RIN3: variants seen among roughly 807,000 people sequenced by gnomAD.
RIN3 encodes the protein Ras and Rab interactor 3, also known as RAB5 interacting protein 3.
A neutral mutation model predicts 76.3 loss-of-function variants in RIN3; 54 were observed. That is an observed-to-expected ratio of 0.71 (90% CI 0.57 to 0.89). The LOEUF is 0.89. Ranked by LOEUF, RIN3 falls within the 40% of genes least tolerant of loss-of-function variation. The probability of loss-of-function intolerance (pLI) is 0.00; values close to 1 mark genes in which losing one functional copy is unlikely to be tolerated. For synonymous variants in RIN3, 576 were observed against 564.0 expected, an observed-to-expected ratio of 1.02 and a Z score of -0.30; for missense variants, 1,256 against 1,322.1, an observed-to-expected ratio of 0.95 and a Z score of 0.78.
At chr14:92,637,521 G>A (rs546930544) in intron 4 of RIN3, among the ~76,000 whole-genome samples, 1 of 152,280 alleles carries the variant, frequency 6.6e-6, no homozygotes, top group East Asian at 1.9e-4. Flanking sequence ...GTAGCCCAGG[G>A]GTTGGGGACC....
intron 7 of RIN3, among the ~76,000 whole-genome samples, chr14:92,672,660 A>ATGTG (rs57611104): frequency 0.13 from 19,053 of 148,398 alleles, 1,338 homozygotes; most frequent in East Asian, 0.3. Context: ...ATGTGTGTGC[A>ATGTG]TGTGTGTGTG....
intron 2 of RIN3, among the ~76,000 whole-genome samples, chr14:92,560,845 C>T (rs1287075652): frequency 2.7e-5 from 4 of 150,520 alleles, no homozygotes; most frequent in Admixed American, 2.0e-4. Flanking sequence ...ATGATGAAAC[C>T]ACGTCTCTAC....
At chr14:92,614,489 A>T (rs1384735472) in intron 3 of RIN3, among the ~76,000 whole-genome samples, 1 of 152,162 alleles carries the variant, frequency 6.6e-6, no homozygotes, top group East Asian at 1.9e-4. Flanking sequence ...GTATATTAAC[A>T]CCAGCTATCC....
Position 92,643,927 on chromosome 14 carries a change from C to CA in RIN3, c.532+2612dup, listed in dbSNP as rs373209693. 0.021 allele frequency among the ~76,000 whole-genome samples: 2,871 copies of CA among 138,170 alleles called. 73 individuals carry two copies. Among genetic ancestry groups the CA allele is most frequent in the African/African-American group, 0.062 (2,329 of 37,742 alleles). The allele number at this position is 138,170 out of a possible 152,430, so 90.6% of individuals were successfully genotyped here. The stretch of plus-strand genomic sequence containing the variant: ...TGGGCAACAGACTGAGACTCTGCCT[C>CA]AAAAAAAAAAAAAATTAGAAGATCA... On this transcript the variant is annotated intron_variant, in intron 5 of 9. Coordinates refer to ENST00000216487, the MANE Select transcript of RIN3 (RefSeq NM_024832.5). The surrounding 1 kb of genome is among the most constrained non-coding windows in gnomAD (Gnocchi z 4.8).
rs564831158 is a variant in RIN3, at chr14:92,568,082, AG to A, written c.250-9274del. Among the ~76,000 whole-genome samples, 69 of 152,244 alleles carry A rather than the reference AG, an allele frequency of 4.5e-4. No homozygotes were observed. The highest frequency in any genetic ancestry group is 1.5e-3 in the African/African-American group (61 of 41,544). On this transcript the variant is annotated intron_variant, in intron 2 of 9. Transcript: ENST00000216487. The surrounding 1 kb of genome is among the most constrained non-coding windows in gnomAD (Gnocchi z 4.2). ...AAAAGTAACTTGCCCACGGCTGGTG[AG>A]GGGCAGAGGTAGTATTTGTGTTTCA...
intron 3 of RIN3, 135 bp from the exon 4 acceptor site, chr14:92,615,272 G>A (rs1328149328): frequency 2.8e-6 from 2 of 722,186 alleles, no homozygotes; most frequent in Non-Finnish European, 5.0e-6. Context: ...GTGTATGGGG[G>A]CCGCATGCAG....
chr14:92,547,423 C>G (rs996728656), intron 1 of RIN3, among the ~76,000 whole-genome samples: 1 of 149,284 alleles, frequency 6.7e-6, no homozygotes, highest in African/African-American at 2.5e-5. Context: ...GAGACAGGGT[C>G]TTGCTCTGTC....
At chr14:92,639,915 C>T (rs1434170414) in intron 4 of RIN3, among the ~76,000 whole-genome samples, 303 of 91,926 alleles carry the variant, frequency 3.3e-3, no homozygotes, top group African/African-American at 0.013. Flanking sequence ...CCTGACTGTG[C>T]GTTCGTCGGG....
intron 4 of RIN3, 85 bp from the exon 5 acceptor site, chr14:92,641,153 G>A: frequency 9.5e-7 from 1 of 1,049,420 alleles, no homozygotes; most frequent in Non-Finnish European, 1.5e-6. Flanking sequence ...GCAGCCAGCA[G>A]AGATTGCCAG....
intron 5 of RIN3, among the ~76,000 whole-genome samples, chr14:92,647,138 G>T (rs763608003): frequency 6.6e-6 from 1 of 152,176 alleles, no homozygotes; most frequent in Non-Finnish European, 1.5e-5. Flanking sequence ...GTTGCACCAG[G>T]CCTGCTTTTG....
chr14:92,625,844 G>T (rs1886333225), intron 4 of RIN3, among the ~76,000 whole-genome samples: 1 of 152,082 alleles, frequency 6.6e-6, no homozygotes, highest in Non-Finnish European at 1.5e-5. Flanking sequence ...TTTTGTTTTT[G>T]CTTTTCTTAA....
chr14:92,547,799 G>A (rs1329851871), intron 1 of RIN3, among the ~76,000 whole-genome samples: 4 of 152,076 alleles, frequency 2.6e-5, no homozygotes, highest in African/African-American at 9.7e-5. Context: ...TGCATCCCTG[G>A]TTCAAGCGTT....
intron 1 of RIN3, among the ~76,000 whole-genome samples, chr14:92,548,793 T>C (rs1342671303): frequency 6.6e-6 from 1 of 151,986 alleles, no homozygotes; most frequent in Non-Finnish European, 1.5e-5. Context: ...AAGAAAAAGA[T>C]CCTTTTTCCA....
rs1169059852 is a variant in RIN3 at position 92,651,709 on chromosome 14, C to T, written c.660C>T (p.Ala220=). 6.2e-7 allele frequency: 1 copy of T among 1,614,146 alleles called. No homozygotes were observed. The highest frequency in any genetic ancestry group is 1.1e-5 in the South Asian group (1 of 91,086). ...LRPTAHDANC[A]CEIELSVGND... is the part of the protein sequence containing the mutation. ...CCACAGCCCATGACGCAAACTGTGC[C>T]TGTGAAATCGAGCTGTCGGTAGGAA... The change falls in exon 6 of 10, where the codon GCC becomes GCT. Residue 220 remains alanine, a synonymous_variant. Transcript: ENST00000216487.
At chr14:92,539,534 G>A (rs759374957) in intron 1 of RIN3, among the ~76,000 whole-genome samples, 5 of 152,184 alleles carry the variant, frequency 3.3e-5, no homozygotes, top group Admixed American at 2.6e-4. Context: ...AGGCTGCATA[G>A]CTCTGGTTGA....
chr14:92,537,293 C>T (rs1224088132), intron 1 of RIN3, among the ~76,000 whole-genome samples: 2 of 152,148 alleles, frequency 1.3e-5, no homozygotes, highest in Admixed American at 6.5e-5. Flanking sequence ...GCCACCCACC[C>T]ACCCTAGGAA....
chr14:92,548,599 G>T (rs141661352), intron 1 of RIN3, among the ~76,000 whole-genome samples: 1 of 152,050 alleles, frequency 6.6e-6, no homozygotes, highest in East Asian at 1.9e-4. Context: ...CCTGGTAGTG[G>T]CTGTCTACCT....
chr14:92,601,158 G>T (rs929066052), intron 3 of RIN3, among the ~76,000 whole-genome samples: 1 of 152,066 alleles, frequency 6.6e-6, no homozygotes, highest in Non-Finnish European at 1.5e-5. Flanking sequence ...ACAATATTTT[G>T]GATATATTGG....
At chr14:92,614,696 G>A (rs753144368) in intron 3 of RIN3, among the ~76,000 whole-genome samples, 12 of 151,582 alleles carry the variant, frequency 7.9e-5, no homozygotes, top group Non-Finnish European at 1.8e-4. Flanking sequence ...CCTTTCGCTT[G>A]TCTGTCATTC....
Sources: gnomAD v4.1 joint callset for allele counts (sites outside exome capture counted in the v4.1 genomes callset) on GRCh38, gnomAD v4.1.1 for gene constraint, Gnocchi (gnomAD v3.1) non-coding constraint, MANE v1.5 for transcripts, NCBI Gene and HGNC (gene_info 2026-07-23, HGNC 2026-07-21) for gene names.